The following TTC7A variants were observed in gnomAD, a reference collection of about 807,000 sequenced individuals.
TTC7A encodes tetratricopeptide repeat domain 7A, also known as tetratricopeptide repeat protein 7A.
TTC7A carries 110 observed loss-of-function variants against 103.7 expected under a neutral mutation model. The ratio of observed to expected loss-of-function variants is 1.06; its 90% confidence interval spans 0.91 to 1.24. TTC7A has a LOEUF of 1.24. TTC7A is among the 50% of genes most tolerant of loss of function. TTC7A has a pLI of 0.00. For synonymous variants in TTC7A, 521 were observed against 467.9 expected (o/e 1.11, Z -1.47); for missense variants, 1,340 against 1,116.3 (o/e 1.20, Z -2.86).
intron 5 of TTC7A, among the ~76,000 whole-genome samples, chr2:46,989,147 T>C (rs995641517): frequency 1.3e-5 from 2 of 152,024 alleles, no homozygotes; most frequent in African/African-American, 4.8e-5. Context: ...ACCCAGAGGC[T>C]CCCCTAAGAT....
intron 15 of TTC7A, among the ~76,000 whole-genome samples, chr2:47,045,207 G>A (rs1162814813): frequency 6.6e-6 from 1 of 152,230 alleles, no homozygotes; most frequent in Non-Finnish European, 1.5e-5. Context: ...CCAGGCAGCT[G>A]GTTGGGTGAA....
intron 5 of TTC7A, among the ~76,000 whole-genome samples, chr2:46,987,809 C>CGCGTGTGT (rs1466713336): frequency 3.3e-4 from 48 of 144,648 alleles, no homozygotes; most frequent in African/African-American, 6.5e-4. Flanking sequence ...CCTTTCCGCG[C>CGCGTGTGT]GTGTGTGTGT....
At position 46,994,425 on chromosome 2, in the gene TTC7A, G is replaced by A; in HGVS notation, c.912G>A (p.Leu304=). The change falls in exon 7 of 20, where the codon CTG becomes CTA. Residue 304 remains leucine (L), a synonymous_variant. Coordinates refer to ENST00000319190, the MANE Select transcript of TTC7A (RefSeq NM_020458.4). The part of the protein sequence containing the change: ...SLSEECYWSP[L]SHPLPEFMGK... ...GTGAGGAGTGCTACTGGAGCCCCCT[G>A]TCCCACCCTCTGCCTGAGTTCATGG... 8 of 1,614,132 alleles carry A rather than the reference G, an allele frequency of 5.0e-6. No homozygotes were observed. Among genetic ancestry groups the A allele is most frequent in the Non-Finnish European group, 6.8e-6 (8 of 1,180,002 alleles).
At chr2:47,014,096 T>C (rs1315449329) in intron 11 of TTC7A, among the ~76,000 whole-genome samples, 3 of 152,192 alleles carry the variant, frequency 2.0e-5, no homozygotes, top group Admixed American at 6.5e-5. Context: ...CAATGCCTGG[T>C]GCTCGCTGGA....
chr2:47,053,070 G>A (rs1387283502), intron 18 of TTC7A, among the ~76,000 whole-genome samples: 3 of 152,020 alleles, frequency 2.0e-5, no homozygotes, highest in African/African-American at 7.2e-5. Context: ...TTCTGAATCT[G>A]CAAAAAACAT....
At position 46,995,194 on chromosome 2, in the gene TTC7A, T is replaced by C; in HGVS notation, c.1060T>C (p.Ser354Pro). ...CCTCCTGCTCCTCCTCATCAGCGAATCCATGGTAAGCTCCAGGATGTCCTT... is the reference window on the plus strand; with the variant it reads ...CCTCCTGCTCCTCCTCATCAGCGAACCCATGGTAAGCTCCAGGATGTCCTT... ...EALLLLLISE[S>P]MATRDVVLSR... is the part of the protein sequence containing the mutation. The change falls in exon 8 of 20, where the codon TCC becomes CCC. Residue 354 changes from serine (S) to proline (P), a missense_variant. Coordinates refer to ENST00000319190, the MANE Select transcript of TTC7A (RefSeq NM_020458.4). 2 of 1,614,108 alleles carry C rather than the reference T, an allele frequency of 1.2e-6. No individual in the cohort carries two copies. The highest frequency in any genetic ancestry group is 1.7e-6 in the Non-Finnish European group (2 of 1,179,998).
chr2:46,961,993 G>A (rs1328100080), intron 3 of TTC7A, among the ~76,000 whole-genome samples: 2 of 152,192 alleles, frequency 1.3e-5, no homozygotes, highest in Non-Finnish European at 2.9e-5. Flanking sequence ...TCCCTTGGCA[G>A]AACCCTCTGC....
intron 11 of TTC7A, among the ~76,000 whole-genome samples, chr2:47,017,407 C>T (rs1021352757): frequency 6.6e-6 from 1 of 151,178 alleles, no homozygotes; most frequent in Non-Finnish European, 1.5e-5. Context: ...TGCAATGGTG[C>T]GTGCCTGTGG....
rs1677574447 is a variant in TTC7A, at chr2:47,007,752, T to C, written c.1287+1028T>C. Among the ~76,000 whole-genome samples, 1 of 152,158 alleles carries C rather than the reference T, an allele frequency of 6.6e-6. No individual in the cohort carries two copies. Among genetic ancestry groups the C allele is most frequent in the Non-Finnish European group, 1.5e-5 (1 of 68,008 alleles). On this transcript the variant is annotated intron_variant, in intron 10 of 19. Coordinates refer to ENST00000319190, the MANE Select transcript of TTC7A (RefSeq NM_020458.4). This position sits in a 1 kb window ranked among gnomAD's most constrained non-coding sequence, Gnocchi z 4.9. ...GAGAGGCTTGCTGGGGAGCCTTCCC[T>C]ACCCCCATCTGCTGGGCATGTGTCT...
chr2:47,026,728 G>A (rs972969560), intron 14 of TTC7A, among the ~76,000 whole-genome samples: 6 of 152,182 alleles, frequency 3.9e-5, no homozygotes, highest in African/African-American at 1.2e-4. Flanking sequence ...CTTTAAAAGT[G>A]TTTGTTCCAC....
At chr2:47,014,270 C>T (rs765120204) in intron 11 of TTC7A, among the ~76,000 whole-genome samples, 1 of 152,196 alleles carries the variant, frequency 6.6e-6, no homozygotes, top group Non-Finnish European at 1.5e-5. Context: ...ATACTAGTAA[C>T]TGACGAAGCG....
At chr2:47,020,502 C>T (rs894860157) in intron 11 of TTC7A, among the ~76,000 whole-genome samples, 1 of 152,222 alleles carries the variant, frequency 6.6e-6, no homozygotes, top group Non-Finnish European at 1.5e-5. Context: ...GCTCCCCAGA[C>T]ACCCTCATCC....
At chr2:46,964,210 G>C (rs188083571) in intron 3 of TTC7A, among the ~76,000 whole-genome samples, 1 of 152,352 alleles carries the variant, frequency 6.6e-6, no homozygotes, top group East Asian at 1.9e-4. Flanking sequence ...TGGTGAGCCT[G>C]AACTTGAGGA....
chr2:47,036,268 C>G (rs1681094508), intron 15 of TTC7A, among the ~76,000 whole-genome samples: 1 of 152,154 alleles, frequency 6.6e-6, no homozygotes, highest in Admixed American at 6.5e-5. Context: ...CAGGGACAGT[C>G]TTTGAAGTAA....
rs542818351 is a variant in TTC7A, at chr2:46,995,146, C to T, written c.1012C>T (p.Pro338Ser). ...ATTGGTGTCTTTCAGCCTCTACTGC[C>T]CCAAGGACAACATCGAGGAAGCCCT... ...HLYEGDNLYCPKDNIEEALLL... is the reference protein window; with the variant it reads ...HLYEGDNLYCSKDNIEEALLL... The change falls in exon 8 of 20, where the codon CCC (proline) becomes TCC (serine). Residue 338 changes from proline (P) to serine (S), a missense_variant. Pro to Ser is a moderately conservative substitution (Grantham distance 74). Coordinates refer to ENST00000319190, the MANE Select transcript of TTC7A (RefSeq NM_020458.4). 6.2e-7 allele frequency: 1 copy of T among 1,614,206 alleles called. No individual in the cohort carries two copies. Among genetic ancestry groups the T allele is most frequent in the Non-Finnish European group, 8.5e-7 (1 of 1,180,032 alleles).
intron 2 of TTC7A, among the ~76,000 whole-genome samples, chr2:46,932,979 C>G (rs1483356050): frequency 6.6e-6 from 1 of 151,842 alleles, no homozygotes; most frequent in East Asian, 1.9e-4. Context: ...TGGCCAGACA[C>G]TCAAGGCTAG....
At chr2:46,997,025 C>T (rs909172140) in intron 8 of TTC7A, among the ~76,000 whole-genome samples, 1 of 152,072 alleles carries the variant, frequency 6.6e-6, no homozygotes, top group Non-Finnish European at 1.5e-5. Context: ...ATCGTTCAGA[C>T]TGGAGTGCAG....
In TTC7A at chr2:46,923,235, CCATTAGT is replaced by C. The variant is rs563873643; in HGVS notation, c.82+5963_82+5969del. Among the ~76,000 whole-genome samples, 256 of 152,340 alleles carry C rather than the reference CCATTAGT, an allele frequency of 1.7e-3. 2 individuals are homozygous for C. The highest frequency in any genetic ancestry group is 2.5e-3 in the Non-Finnish European group (168 of 68,026). On this transcript the variant is annotated intron_variant, in intron 2 of 20. Transcript: ENST00000409245. ...TATTACATAGGCACAGTTGACCAAA[CCATTAGT>C]CATTGGTGATCAACTTAACCTTCAG...
chr2:46,993,769 C>T (rs1042510678), intron 6 of TTC7A, among the ~76,000 whole-genome samples: 2 of 152,152 alleles, frequency 1.3e-5, no homozygotes, highest in Admixed American at 6.5e-5. Context: ...CTACTGCCAG[C>T]GCTTCCCTGG....
Sources: gnomAD v4.1 joint callset for allele counts (sites outside exome capture counted in the v4.1 genomes callset) on GRCh38, gnomAD v4.1.1 for gene constraint, Gnocchi (gnomAD v3.1) non-coding constraint, MANE v1.5 for transcripts, NCBI Gene and HGNC (gene_info 2026-07-23, HGNC 2026-07-21) for gene names.